ZNHIT3: variants seen among roughly 807,000 people sequenced by gnomAD.
ZNHIT3 encodes the protein zinc finger HIT-type containing 3, also known as zinc finger HIT domain-containing protein 3.
ZNHIT3 carries 27 observed loss-of-function variants against 19.9 expected under a neutral mutation model. That is an observed-to-expected ratio of 1.36 (90% CI 1.00 to 1.87). The LOEUF (loss-of-function observed/expected upper bound fraction) is 1.87. Among genes scored for constraint, ZNHIT3 ranks in the 40% most tolerant of loss-of-function variants. ZNHIT3 has a pLI of 0.00. For synonymous variants in ZNHIT3, 81 were observed against 65.7 expected (o/e 1.23, Z -1.13); for missense variants, 215 against 185.6 (o/e 1.16, Z -0.92).
At chr17:36,489,650 C>T (rs2070680104) in intron 2 of ZNHIT3, 1 of 149,074 alleles carries the variant, frequency 6.7e-6, no homozygotes, top group South Asian at 2.1e-4. Context: ...CTTTTTGAGA[C>T]AGAGTCTTGC....
At chr17:36,494,173 C>T (rs1343763816) in intron 4 of ZNHIT3, among the ~76,000 whole-genome samples, 167 bp downstream of exon 4, 2 of 152,192 alleles carry the variant, frequency 1.3e-5, no homozygotes, top group Non-Finnish European at 2.9e-5. Flanking sequence ...CCCAGCCTGC[C>T]CACACCATTC....
rs1439261956 is a variant in ZNHIT3 at position 36,495,731 on chromosome 17, TAAAATC to T, written c.*332_*337del. 2.4e-6 allele frequency: 3 copies of T among 1,247,606 alleles called. No homozygotes were observed. In the African/African-American group the frequency reaches 4.6e-5, roughly 19 times the overall value. The allele number at this position is 1,247,606 out of a possible 1,614,324, so 77.3% of individuals were successfully genotyped here. On this transcript the variant is annotated 3_prime_UTR_variant, in exon 5 of 5. Coordinates refer to ENST00000617429, the MANE Select transcript of ZNHIT3 (RefSeq NM_004773.4). ...TGGAGTTAAACTTGGTCAGTGTTAA[TAAAATC>T]AAAACGTGATTCTACTGTACATTGC...
intron 2 of ZNHIT3, among the ~76,000 whole-genome samples, chr17:36,488,256 G>C (rs1349627505): frequency 6.6e-6 from 1 of 150,900 alleles, no homozygotes; most frequent in East Asian, 2.0e-4. Flanking sequence ...AAAACCTAGT[G>C]CATACAGGCT....
intron 2 of ZNHIT3, chr17:36,491,818 GT>G (rs1308122207): frequency 6.6e-6 from 1 of 152,166 alleles, no homozygotes; most frequent in Non-Finnish European, 1.5e-5. Context: ...CTCCTGCTGT[GT>G]TCCTTACACA....
At chr17:36,490,695 A>G (rs1196989282) in intron 2 of ZNHIT3, 3 of 151,446 alleles carry the variant, frequency 2.0e-5, no homozygotes, top group Non-Finnish European at 4.4e-5. Flanking sequence ...TTTAATATTT[A>G]TTTTTCTTAT....
At chr17:36,499,049 A>C, downstream of ZNHIT3, 5 of 1,575,178 alleles carry the variant, frequency 3.2e-6, no homozygotes, top group Non-Finnish European at 3.5e-6. Flanking sequence ...TCCACTGCCC[A>C]CCCCGACTTC....
At chr17:36,492,648 ATCTC>A in intron 2 of ZNHIT3, 161 bp from the exon 3 acceptor site, 3 of 646,074 alleles carry the variant, frequency 4.6e-6, no homozygotes, top group Non-Finnish European at 5.4e-6. Context: ...GTTTTCCTTA[ATCTC>A]TCTCTTGCTT....
chr17:36,486,707 C>G lies in ZNHIT3; in HGVS notation c.8C>G (p.Ser3Trp). The change falls in exon 1 of 5, where the codon TCG (serine) becomes TGG (tryptophan). Residue 3 changes from serine to tryptophan, a missense_variant. Coordinates refer to ENST00000617429, the MANE Select transcript of ZNHIT3 (RefSeq NM_004773.4). Reference sequence around the variant, plus strand: ...GTCTCCTTCCACAAAACCATGGCGTCGCTCAAATGTAGCACCGTCGTCTGC... The same window carrying G: ...GTCTCCTTCCACAAAACCATGGCGTGGCTCAAATGTAGCACCGTCGTCTGC... MASLKCSTVVCVI... is the reference protein window; with the variant it reads MAWLKCSTVVCVI... The G allele has an allele frequency of 6.2e-7, 1 of 1,613,922 alleles. No individual in the cohort carries two copies. The highest frequency in any genetic ancestry group is 1.1e-5 in the South Asian group (1 of 91,080).
intron 2 of ZNHIT3, chr17:36,491,834 G>C (rs926950265): frequency 6.6e-6 from 1 of 152,136 alleles, no homozygotes; most frequent in Admixed American, 6.5e-5. Flanking sequence ...TACACATATA[G>C]CATAGCCGTA....
At chr17:36,491,682 C>A (rs1423480670) in intron 2 of ZNHIT3, 1 of 152,170 alleles carries the variant, frequency 6.6e-6, no homozygotes, top group East Asian at 1.9e-4. Context: ...ATCTCTCTTT[C>A]ACTTTAAACT....
chr17:36,499,004 A>G, downstream of ZNHIT3: 1 of 1,252,184 alleles, frequency 8.0e-7, no homozygotes, highest in Non-Finnish European at 1.1e-6. Context: ...CAGAGCCAGC[A>G]TTCCCACTCG....
chr17:36,496,306 A>G (rs1242890298), downstream of ZNHIT3: 2 of 1,613,940 alleles, frequency 1.2e-6, no homozygotes, highest in African/African-American at 1.3e-5. Flanking sequence ...GTGTCTTTCC[A>G]GCAGAATCTG....
In ZNHIT3 at chr17:36,495,431, G is replaced by T. The variant is rs371849075; in HGVS notation, c.*27G>T. 5 of 1,552,766 alleles carry T rather than the reference G, an allele frequency of 3.2e-6. No individual in the cohort carries two copies. In the African/African-American group the frequency reaches 5.5e-5, roughly 17 times the overall value. On this transcript the variant is annotated 3_prime_UTR_variant, in exon 5 of 5. Transcript: ENST00000617429. ...ATGGATTATTGTGCTGCTTGCTCAA[G>T]CGTGTGCTTGACTCCTGGAACCTGC...
intron 2 of ZNHIT3, among the ~76,000 whole-genome samples, 157 bp downstream of exon 2, chr17:36,487,123 C>G (rs1599139645): frequency 6.6e-6 from 1 of 152,174 alleles, no homozygotes; most frequent in African/African-American, 2.4e-5. Context: ...GACTTGGTCC[C>G]TGGTGTCTCT....
In ZNHIT3 at chr17:36,495,548, C is replaced by T. The variant is rs370683380; in HGVS notation, c.*144C>T. On this transcript the variant is annotated 3_prime_UTR_variant, in exon 5 of 5. Coordinates refer to ENST00000617429, the MANE Select transcript of ZNHIT3 (RefSeq NM_004773.4). The stretch of plus-strand genomic sequence containing the variant: ...CAGATTAGGTCATGCAGGCCTTTAC[C>T]GGCATTGATGTGGCTCATGTTTCAG... 2.6e-5 allele frequency: 35 copies of T among 1,334,710 alleles called. No individual in the cohort carries two copies. In the Middle Eastern group the frequency reaches 1.7e-3, roughly 64 times the overall value. 82.7% of individuals were successfully genotyped at this position (1,334,710 alleles called of 1,614,324 possible). A position where few individuals can be genotyped will look rare whatever the true frequency, so the allele number is the denominator to read the frequency against.
intron 2 of ZNHIT3, among the ~76,000 whole-genome samples, chr17:36,488,495 A>G (rs1331718924): frequency 6.6e-6 from 1 of 151,740 alleles, no homozygotes; most frequent in Non-Finnish European, 1.5e-5. Flanking sequence ...CAGTGAGCCA[A>G]GACTGCACCA....
At chr17:36,493,822 C>T in intron 3 of ZNHIT3, 104 bp from the exon 4 acceptor site, 1 of 778,084 alleles carries the variant, frequency 1.3e-6, no homozygotes, top group East Asian at 2.5e-5. Context: ...CTATCACTAT[C>T]ACATGTGCGT....
chr17:36,490,985 TATTTTTA>T (rs2070713601), intron 2 of ZNHIT3: 1 of 152,116 alleles, frequency 6.6e-6, no homozygotes, highest in Non-Finnish European at 1.5e-5. Context: ...CTGGCTTATT[TATTTTTA>T]ATTTTAATTT....
chr17:36,496,099 G>A, downstream of ZNHIT3: 10 of 1,080,620 alleles, frequency 9.3e-6, no homozygotes, highest in Non-Finnish European at 1.3e-5. Flanking sequence ...GACGCACTGG[G>A]CACGGGGCTC....
Sources: gnomAD v4.1 joint callset for allele counts (sites outside exome capture counted in the v4.1 genomes callset) on GRCh38, gnomAD v4.1.1 for gene constraint, MANE v1.5 for transcripts, NCBI Gene and HGNC (gene_info 2026-07-23, HGNC 2026-07-21) for gene names.